The following PLCL1 variants were observed in gnomAD, a reference collection of about 807,000 sequenced individuals.
PLCL1 encodes the protein phospholipase C like 1 (inactive).
Under a neutral mutation model 84.4 loss-of-function variants are expected in PLCL1, and 41 were observed. That is an observed-to-expected ratio of 0.49 (90% CI 0.38 to 0.63). The LOEUF is 0.63. PLCL1 is among the 30% of genes least tolerant of loss of function. The pLI, the probability that PLCL1 is intolerant of heterozygous loss-of-function variation, is 0.00. For synonymous variants in PLCL1, 490 were observed against 488.3 expected (o/e 1.00, Z -0.05); for missense variants, 1,206 against 1,367.8 (o/e 0.88, Z 1.87).
intron 1 of PLCL1, among the ~76,000 whole-genome samples, chr2:198,067,919 T>A (rs556184589): frequency 6.6e-6 from 1 of 152,348 alleles, no homozygotes; most frequent in East Asian, 1.9e-4. Flanking sequence ...AACACAGTCA[T>A]TCTCATAGAT....
chr2:198,067,447 GC>G (rs1206189401), intron 1 of PLCL1, among the ~76,000 whole-genome samples: 1 of 152,136 alleles, frequency 6.6e-6, no homozygotes, highest in Non-Finnish European at 1.5e-5. Context: ...CTCTTTTTGA[GC>G]GGCATTTTTG....
rs76192791 is a variant in PLCL1 at position 198,091,541 on chromosome 2, A to G, written c.2919+2480A>G. Reference sequence around the variant, plus strand: ...CTAAAAATACAAAAATTAGCCGGGCATGGTGGCACCCGCCTGTAATCCCAG... The same window carrying G: ...CTAAAAATACAAAAATTAGCCGGGCGTGGTGGCACCCGCCTGTAATCCCAG... On this transcript the variant is annotated intron_variant, in intron 3 of 5. Coordinates refer to ENST00000428675, the MANE Select transcript of PLCL1 (RefSeq NM_006226.4). 2.1e-3 allele frequency among the ~76,000 whole-genome samples: 319 copies of G among 151,560 alleles called. 1 individual carries two copies. Among genetic ancestry groups the G allele is most frequent in the African/African-American group, 7.1e-3 (293 of 41,434 alleles).
At chr2:198,103,426 G>A (rs1194055426) in intron 4 of PLCL1, among the ~76,000 whole-genome samples, 1 of 151,892 alleles carries the variant, frequency 6.6e-6, no homozygotes, top group East Asian at 1.9e-4. Flanking sequence ...TCTCTTTTGT[G>A]TTACAAACAA....
At chr2:198,022,118 A>C (rs1691147001) in intron 1 of PLCL1, among the ~76,000 whole-genome samples, 2 of 152,196 alleles carry the variant, frequency 1.3e-5, no homozygotes, top group South Asian at 4.1e-4. Context: ...ACATAAACAG[A>C]GCCAATGACA....
chr2:198,046,765 G>C (rs1288386789), intron 1 of PLCL1, among the ~76,000 whole-genome samples: 1 of 152,162 alleles, frequency 6.6e-6, no homozygotes, highest in Non-Finnish European at 1.5e-5. Context: ...TCTGAGCTTG[G>C]AAAGTCAAGG....
intron 1 of PLCL1, among the ~76,000 whole-genome samples, chr2:197,928,609 T>C (rs1018649320): frequency 1.3e-5 from 2 of 152,180 alleles, no homozygotes; most frequent in Non-Finnish European, 2.9e-5. Context: ...TGACTTGGAC[T>C]GGATCCCACA....
chr2:197,857,381 C>T (rs1280941593), intron 1 of PLCL1, among the ~76,000 whole-genome samples: 1 of 152,106 alleles, frequency 6.6e-6, no homozygotes, highest in Non-Finnish European at 1.5e-5. Flanking sequence ...CTTAATTTTT[C>T]TCCCAAGGTT....
intron 1 of PLCL1, among the ~76,000 whole-genome samples, chr2:197,975,553 C>A (rs1689963285): frequency 6.6e-6 from 1 of 152,182 alleles, no homozygotes; most frequent in African/African-American, 2.4e-5. Context: ...CCTGCAATCC[C>A]AGTACTTTGG....
intron 3 of PLCL1, among the ~76,000 whole-genome samples, chr2:198,094,344 A>G (rs957317240): frequency 2.0e-5 from 3 of 152,296 alleles, no homozygotes; most frequent in African/African-American, 7.2e-5. Context: ...TACAGGTGTG[A>G]GCCACCGTGC....
At chr2:197,943,330 AT>A (rs2105776325) in intron 1 of PLCL1, among the ~76,000 whole-genome samples, 1 of 152,194 alleles carries the variant, frequency 6.6e-6, no homozygotes, top group African/African-American at 2.4e-5. Context: ...TTACATGAAA[AT>A]AATTATTAAA....
chr2:198,130,809 C>G (rs922203910), intron 5 of PLCL1, among the ~76,000 whole-genome samples: 1 of 152,154 alleles, frequency 6.6e-6, no homozygotes, highest in African/African-American at 2.4e-5. Flanking sequence ...TTCCCATAGC[C>G]GTCACCTTAG....
chr2:197,937,051 TTG>T (rs1224080623), intron 1 of PLCL1, among the ~76,000 whole-genome samples: 4 of 152,202 alleles, frequency 2.6e-5, no homozygotes, highest in African/African-American at 4.8e-5. Context: ...CCTTTCTTCA[TTG>T]TGTGTTCTTA....
At chr2:197,965,728 T>G (rs1160624190) in intron 1 of PLCL1, among the ~76,000 whole-genome samples, 2 of 152,202 alleles carry the variant, frequency 1.3e-5, no homozygotes, top group Non-Finnish European at 2.9e-5. Flanking sequence ...TCCCATAGGT[T>G]TTAGTATGTT....
chr2:197,897,641 T>C (rs1344192359), intron 1 of PLCL1, among the ~76,000 whole-genome samples: 2 of 152,256 alleles, frequency 1.3e-5, no homozygotes, highest in Admixed American at 1.3e-4. Context: ...ACATTTTTAA[T>C]GCTGTAATTA....
At chr2:198,047,126 C>T (rs1241168068) in intron 1 of PLCL1, among the ~76,000 whole-genome samples, 2 of 151,574 alleles carry the variant, frequency 1.3e-5, no homozygotes, top group Non-Finnish European at 2.9e-5. Flanking sequence ...ATGTACTAGG[C>T]TTGCTTGAGT....
At chr2:198,116,738 G>A (rs1693757310) in intron 5 of PLCL1, among the ~76,000 whole-genome samples, 3 of 151,804 alleles carry the variant, frequency 2.0e-5, no homozygotes, top group Non-Finnish European at 4.4e-5. Flanking sequence ...TTAACAAGTC[G>A]TTATGTAGAA....
At chr2:198,060,740 C>T (rs560646693) in intron 1 of PLCL1, among the ~76,000 whole-genome samples, 1 of 152,210 alleles carries the variant, frequency 6.6e-6, no homozygotes, top group African/African-American at 2.4e-5. Flanking sequence ...TCAGAGCTTT[C>T]TACCTTTATA....
chr2:198,048,702 G>C (rs1200899769), intron 1 of PLCL1, among the ~76,000 whole-genome samples: 4 of 152,166 alleles, frequency 2.6e-5, no homozygotes, highest in African/African-American at 9.7e-5. Flanking sequence ...CCATTCATGA[G>C]GGATCTGTCC....
At chr2:197,826,282 C>A (rs771010) in intron 1 of PLCL1, among the ~76,000 whole-genome samples, 1 of 151,966 alleles carries the variant, frequency 6.6e-6, no homozygotes, top group Middle Eastern at 3.2e-3. Flanking sequence ...TATCATCTAC[C>A]TACGCTTCAT....
Sources: allele counts gnomAD v4.1 joint callset (sites outside exome capture counted in the v4.1 genomes callset), GRCh38; gene constraint gnomAD v4.1.1; transcripts MANE v1.5; gene names NCBI Gene and HGNC (gene_info 2026-07-23, HGNC 2026-07-21).